The following ADCYAP1R1 variants were observed in gnomAD, a reference collection of about 807,000 sequenced individuals.
The protein encoded by ADCYAP1R1 is pituitary adenylate cyclase-activating polypeptide type I receptor.
A neutral mutation model predicts 67.6 loss-of-function variants in ADCYAP1R1; 44 were observed. The ratio of observed to expected loss-of-function variants is 0.65; its 90% CI spans 0.51 to 0.84. The LOEUF is 0.84. Ranked by LOEUF, ADCYAP1R1 falls within the 40% of genes least tolerant of loss-of-function variation. ADCYAP1R1 has a pLI of 0.00. For missense variants in ADCYAP1R1, 477 were observed against 587.9 expected (o/e 0.81, Z 1.95); for synonymous variants, 222 against 219.6 (o/e 1.01, Z -0.10).
intron 12 of ADCYAP1R1, among the ~76,000 whole-genome samples, chr7:31,089,275 T>G (rs1795868868): frequency 6.6e-6 from 1 of 152,170 alleles, no homozygotes; most frequent in African/African-American, 2.4e-5. Context: ...AGGTGGAAAA[T>G]TATATAATCT....
chr7:31,097,221 C>T (rs1022771778), intron 13 of ADCYAP1R1, among the ~76,000 whole-genome samples: 1 of 152,244 alleles, frequency 6.6e-6, no homozygotes, highest in East Asian at 1.9e-4. Flanking sequence ...TCAGGCTGCT[C>T]TGCTCTCCAG....
At chr7:31,078,499 C>G (rs1207650028) in intron 4 of ADCYAP1R1, among the ~76,000 whole-genome samples, 1 of 152,202 alleles carries the variant, frequency 6.6e-6, no homozygotes, top group African/African-American at 2.4e-5. Context: ...TAAATGTTAG[C>G]TGGGATAATT....
Position 31,090,820 on chromosome 7 carries a change from C to T in ADCYAP1R1, c.955-1824C>T, listed in dbSNP as rs1483974798. Among the ~76,000 whole-genome samples the T allele has an allele frequency of 3.9e-5, 6 of 152,298 alleles. No homozygotes were observed. In the East Asian group the frequency reaches 7.7e-4, roughly 20 times the overall value. ...ACATTTTCTTTATCCAATCCACTAT[C>T]GATGGGCACCTATGTGGGTCCCATG... On this transcript the variant is annotated intron_variant, in intron 12 of 15. Coordinates refer to ENST00000304166, the MANE Select transcript of ADCYAP1R1 (RefSeq NM_001118.5).
chr7:31,091,852 C>T (rs1480426375), intron 12 of ADCYAP1R1, among the ~76,000 whole-genome samples: 1 of 151,796 alleles, frequency 6.6e-6, no homozygotes, highest in South Asian at 2.1e-4. Flanking sequence ...ATCAGTTCTC[C>T]TATTTTTTCT....
rs897964592 is a variant in ADCYAP1R1, at chr7:31,052,663, G to T, written c.-87G>T. On this transcript the variant is annotated 5_prime_UTR_variant, in exon 1 of 16. Transcript: ENST00000304166. ...GAGTCTGCCCCGGCCCCACGGACAG[G>T]CCCCGCAGTGAGCAGGTAAGGGTCG... The T allele has an allele frequency of 6.6e-6, 1 of 152,100 alleles. No homozygotes were observed. Among genetic ancestry groups the T allele is most frequent in the Admixed American group, 6.5e-5 (1 of 15,280 alleles). The allele number at this position is 152,100 out of a possible 1,614,324, so 9.4% of individuals were successfully genotyped here.
intron 15 of ADCYAP1R1, among the ~76,000 whole-genome samples, chr7:31,105,972 T>G (rs1796625845): frequency 6.6e-6 from 1 of 152,090 alleles, no homozygotes; most frequent in Non-Finnish European, 1.5e-5. Flanking sequence ...CCCAGAGGGG[T>G]GCATTATTTA....
intron 1 of ADCYAP1R1, among the ~76,000 whole-genome samples, chr7:31,059,198 C>G (rs1223161474): frequency 1.3e-5 from 2 of 152,118 alleles, no homozygotes; most frequent in Non-Finnish European, 2.9e-5. Flanking sequence ...TTACTGAGTG[C>G]CAGGCTATAG....
chr7:31,104,907 G>A lies in ADCYAP1R1; in HGVS notation c.1216G>A (p.Glu406Lys), dbSNP rs1290478417. Reference protein sequence around the residue: ...VAVLYCFLNGEVQAEIKRKWR... With the variant: ...VAVLYCFLNGKVQAEIKRKWR... ...TGTTCTCTACTGTTTTCTGAATGGT[G>A]AGGTAAGACCTTGGCCCTCTGGCTT... Residue 406 changes from glutamate to lysine, a missense_variant and splice_region_variant, in exon 15 of 16, where the codon GAG (glutamate) becomes AAG (lysine). Glu to Lys is a moderately conservative substitution (Grantham distance 56). Transcript: ENST00000304166. 1 of 1,614,188 alleles carries A rather than the reference G, an allele frequency of 6.2e-7. No homozygotes were observed. Among genetic ancestry groups the A allele is most frequent in the Non-Finnish European group, 8.5e-7 (1 of 1,180,014 alleles).
At chr7:31,062,064 A>G (rs1424367482) in intron 1 of ADCYAP1R1, among the ~76,000 whole-genome samples, 1 of 152,108 alleles carries the variant, frequency 6.6e-6, no homozygotes, top group African/African-American at 2.4e-5. Flanking sequence ...TTGCTGTCCC[A>G]TTTTTTATTG....
At chr7:31,081,506 G>A (rs1458739797) in intron 5 of ADCYAP1R1, among the ~76,000 whole-genome samples, 5 of 152,158 alleles carry the variant, frequency 3.3e-5, no homozygotes, top group African/African-American at 1.2e-4. Context: ...GAACGTCACA[G>A]AAATGCAAAG....
chr7:31,087,983 G>T (rs575695986), intron 12 of ADCYAP1R1, among the ~76,000 whole-genome samples: 48 of 152,298 alleles, frequency 3.2e-4, no homozygotes, highest in African/African-American at 1.1e-3. Context: ...GGAATTGCTG[G>T]GTTGAAAGGG....
chr7:31,081,647 G>A, intron 5 of ADCYAP1R1, 66 bp from the exon 6 acceptor site: 8 of 1,353,908 alleles, frequency 5.9e-6, no homozygotes, highest in Non-Finnish European at 8.2e-6. Flanking sequence ...CTTCCAGGGT[G>A]GAGAGTAAAC....
At chr7:31,071,240 C>T (rs376406502) in intron 3 of ADCYAP1R1, among the ~76,000 whole-genome samples, 2 of 152,172 alleles carry the variant, frequency 1.3e-5, no homozygotes, top group Non-Finnish European at 2.9e-5. Flanking sequence ...ATAGCTTATG[C>T]GTTCTCTTTC....
chr7:31,092,693 T>C lies in ADCYAP1R1; in HGVS notation c.1004T>C (p.Leu335Pro). Residue 335 changes from leucine to proline, a missense_variant, in exon 13 of 16, where the codon CTT becomes CCT. Leu to Pro is a moderately conservative substitution (Grantham distance 98). Transcript: ENST00000304166. ...ATTATCGTCATCCTTGTGCAGAAAC[T>C]TCAGTCTCCAGACATGGGAGGCAAT... ...IGIIVILVQKLQSPDMGGNES... is the reference protein window; with the variant it reads ...IGIIVILVQKPQSPDMGGNES... 1 of 1,613,074 alleles carries C rather than the reference T, an allele frequency of 6.2e-7. No individual in the cohort carries two copies. Among genetic ancestry groups the C allele is most frequent in the Non-Finnish European group, 8.5e-7 (1 of 1,179,868 alleles).
At chr7:31,062,366 A>G (rs1372877480) in intron 1 of ADCYAP1R1, among the ~76,000 whole-genome samples, 2 of 152,150 alleles carry the variant, frequency 1.3e-5, no homozygotes, top group Non-Finnish European at 2.9e-5. Flanking sequence ...TTCACCTGTC[A>G]CCGTGTTTTC....
intron 4 of ADCYAP1R1, 93 bp downstream of exon 4, chr7:31,078,191 G>GTCCT: frequency 2.1e-6 from 2 of 954,516 alleles, no homozygotes; most frequent in Non-Finnish European, 3.2e-6. Context: ...AGGCCACCCT[G>GTCCT]TGGGCAGACA....
At chr7:31,067,323 A>G (rs746576592) in intron 3 of ADCYAP1R1, among the ~76,000 whole-genome samples, 1 of 152,162 alleles carries the variant, frequency 6.6e-6, no homozygotes, top group Non-Finnish European at 1.5e-5. Context: ...AAGGGCAGCC[A>G]TTAGGTGGGA....
intron 5 of ADCYAP1R1, 93 bp downstream of exon 5, chr7:31,080,726 T>A: frequency 7.3e-7 from 1 of 1,376,600 alleles, no homozygotes; most frequent in Non-Finnish European, 1.0e-6. Flanking sequence ...GCTGCTGGGA[T>A]TGGGGTGGGG....
chr7:31,069,398 G>A (rs553507723), intron 3 of ADCYAP1R1, among the ~76,000 whole-genome samples: 1 of 152,218 alleles, frequency 6.6e-6, no homozygotes, highest in Non-Finnish European at 1.5e-5. Flanking sequence ...GTCAGCTGAT[G>A]TCCTTGAAAC....
Sources: gnomAD v4.1 joint callset for allele counts (sites outside exome capture counted in the v4.1 genomes callset) on GRCh38, gnomAD v4.1.1 for gene constraint, MANE v1.5 for transcripts, NCBI Gene and HGNC (gene_info 2026-07-23, HGNC 2026-07-21) for gene names.